Variants in VPS13A observed in about 807,000 individuals in gnomAD.
VPS13A encodes vacuolar protein sorting 13 homolog A, also known as intermembrane lipid transfer protein VPS13A.
Under a neutral mutation model 390.9 loss-of-function variants are expected in VPS13A, and 264 were observed. The observed-to-expected ratio is 0.68, with a 90% CI of 0.61 to 0.75. VPS13A has a LOEUF of 0.75. Ranked by LOEUF, VPS13A falls within the 30% of genes least tolerant of loss-of-function variation. The pLI is 0.00. For synonymous variants in VPS13A, 1,231 were observed against 1,227.1 expected (o/e 1.00, Z -0.07); for missense variants, 3,409 against 3,733.9 (o/e 0.91, Z 2.27).
At chr9:77,394,354 G>T (rs1050279720) in intron 68 of VPS13A, among the ~76,000 whole-genome samples, 21 of 151,924 alleles carry the variant, frequency 1.4e-4, no homozygotes, top group Non-Finnish European at 4.4e-5. Flanking sequence ...CACGTGAGAT[G>T]CCTCATGTGG....
chr9:77,319,208 AAG>A (rs1829595639), intron 41 of VPS13A, among the ~76,000 whole-genome samples: 1 of 147,516 alleles, frequency 6.8e-6, no homozygotes, highest in Non-Finnish European at 1.5e-5. Context: ...AAAAAAAAAA[AAG>A]AAAAGAAAAG....
chr9:77,206,027 G>A lies in VPS13A; in HGVS notation c.333G>A (p.Lys111=), dbSNP rs1416027686. Residue 111 remains lysine, a synonymous_variant, in exon 5 of 72, where the codon AAG becomes AAA. Transcript: ENST00000360280. ...AAGAGAAACAACTCATGGAAGCAAA[G>A]CAACAGGAACTGAAAAGAATAGAAG... ...LKEEKQLMEA[K]QQELKRIEEA... 6.3e-7 allele frequency: 1 copy of A among 1,584,500 alleles called. No homozygotes were observed. The highest frequency in any genetic ancestry group is 8.6e-7 in the Non-Finnish European group (1 of 1,163,472).
intron 3 of VPS13A, among the ~76,000 whole-genome samples, chr9:77,203,249 TA>T (rs1825435662): frequency 6.6e-6 from 1 of 152,194 alleles, no homozygotes; most frequent in African/African-American, 2.4e-5. Context: ...AATTTTCTAC[TA>T]GGAGTCTACA....
intron 50 of VPS13A, among the ~76,000 whole-genome samples, chr9:77,343,209 C>G (rs973254215): frequency 6.6e-6 from 1 of 152,182 alleles, no homozygotes; most frequent in Non-Finnish European, 1.5e-5. Context: ...TGGATAAAAG[C>G]TTTGGGACAG....
At chr9:77,364,442 C>A (rs532333713) in intron 59 of VPS13A, among the ~76,000 whole-genome samples, 198 of 150,932 alleles carry the variant, frequency 1.3e-3, no homozygotes, top group African/African-American at 4.0e-3. Context: ...AACAAACAAA[C>A]AAAAAAAAAC....
chr9:77,332,897 A>G (rs1325587442), intron 46 of VPS13A, among the ~76,000 whole-genome samples: 1 of 152,208 alleles, frequency 6.6e-6, no homozygotes. Flanking sequence ...TCTCTTGTCC[A>G]GAAGTTCAGA....
intron 52 of VPS13A, among the ~76,000 whole-genome samples, chr9:77,348,558 G>A (rs1831288918): frequency 6.6e-6 from 1 of 151,952 alleles, no homozygotes; most frequent in Non-Finnish European, 1.5e-5. Flanking sequence ...AAACCACCAT[G>A]GAATACATTT....
chr9:77,308,146 T>C (rs1333407169), intron 35 of VPS13A, 48 bp downstream of exon 35: 2 of 1,593,878 alleles, frequency 1.3e-6, no homozygotes, highest in South Asian at 1.1e-5. Flanking sequence ...TTTCTCTCTT[T>C]TTTCTTCTAT....
intron 52 of VPS13A, chr9:77,351,099 C>T: frequency 2.1e-6 from 1 of 469,068 alleles, no homozygotes; most frequent in South Asian, 2.2e-5. Flanking sequence ...ACCTTTATTT[C>T]CTAAGTAGAA....
At chr9:77,189,557 T>A (rs535409827) in intron 1 of VPS13A, among the ~76,000 whole-genome samples, 1 of 152,306 alleles carries the variant, frequency 6.6e-6, no homozygotes, top group Admixed American at 6.5e-5. Flanking sequence ...TTTATTCTTT[T>A]GGTTTAGGGT....
At chr9:77,281,995 G>A in intron 28 of VPS13A, 69 bp downstream of exon 28, 2 of 1,367,268 alleles carry the variant, frequency 1.5e-6, no homozygotes, top group South Asian at 1.3e-5. Flanking sequence ...AACTGGAATT[G>A]TAAGATCCTT....
chr9:77,188,228 G>C (rs1824464847), intron 1 of VPS13A, among the ~76,000 whole-genome samples: 2 of 152,146 alleles, frequency 1.3e-5, no homozygotes. Context: ...CATGCTTCCT[G>C]TACAGCTTGC....
intron 2 of VPS13A, among the ~76,000 whole-genome samples, chr9:77,200,416 G>T: frequency 6.6e-6 from 1 of 152,204 alleles, no homozygotes; most frequent in South Asian, 2.1e-4. Flanking sequence ...TTGAACCCAG[G>T]AGGTGGAGGC....
chr9:77,352,340 A>G lies in VPS13A; in HGVS notation c.7419+894A>G, dbSNP rs541219415. ...ACTCCTGATGTTTTTTTTTCTTACC[A>G]CTGGTGATTTTTTCTTCCTGCTTAT... On this transcript the variant is annotated intron_variant, in intron 53 of 71. Coordinates refer to ENST00000360280, the MANE Select transcript of VPS13A (RefSeq NM_033305.3). 2.4e-4 allele frequency among the ~76,000 whole-genome samples: 36 copies of G among 151,680 alleles called. No homozygotes were observed. In the South Asian group the frequency reaches 6.2e-3, roughly 26 times the overall value.
At chr9:77,352,280 A>G (rs77849007) in intron 53 of VPS13A, among the ~76,000 whole-genome samples, 1,974 of 152,298 alleles carry the variant, frequency 0.013, 37 homozygotes, top group African/African-American at 0.039. Context: ...AAAATTTTTA[A>G]AAGTTTTTAA....
At chr9:77,287,646 G>A (rs953519224) in intron 31 of VPS13A, among the ~76,000 whole-genome samples, 9 of 152,140 alleles carry the variant, frequency 5.9e-5, no homozygotes, top group Non-Finnish European at 8.8e-5. Context: ...AATAATTCAC[G>A]TGGCGTATTA....
At chr9:77,207,229 A>ATG (rs1825697737) in intron 5 of VPS13A, among the ~76,000 whole-genome samples, 1 of 98,748 alleles carries the variant, frequency 1.0e-5, no homozygotes, top group South Asian at 3.6e-4. Flanking sequence ...ATATATATAT[A>ATG]TATATATATA....
intron 53 of VPS13A, among the ~76,000 whole-genome samples, chr9:77,352,546 G>C (rs117380585): frequency 7.2e-4 from 109 of 152,170 alleles, no homozygotes; most frequent in Non-Finnish European, 1.3e-3. Flanking sequence ...TTATTCATTT[G>C]ATCTGTTGAT....
intron 37 of VPS13A, 63 bp from the exon 38 acceptor site, chr9:77,315,190 C>G (rs1251018847): frequency 7.1e-7 from 1 of 1,413,236 alleles, no homozygotes; most frequent in Non-Finnish European, 1.0e-6. Context: ...TTGAGTTTTA[C>G]TCATATGTTT....
Sources: gnomAD v4.1 joint callset for allele counts (sites outside exome capture counted in the v4.1 genomes callset) on GRCh38, gnomAD v4.1.1 for gene constraint, MANE v1.5 for transcripts, NCBI Gene and HGNC (gene_info 2026-07-23, HGNC 2026-07-21) for gene names.